Variants in UNC13C observed in about 807,000 individuals in gnomAD.
The protein encoded by UNC13C is protein unc-13 homolog C.
UNC13C carries 174 observed loss-of-function variants against 245.4 expected under a neutral mutation model. That is an observed-to-expected ratio of 0.71 (90% CI 0.63 to 0.80). The LOEUF is 0.80. UNC13C is among the 30% of genes least tolerant of loss of function. The pLI is 0.00. For synonymous variants in UNC13C, 992 were observed against 895.1 expected (o/e 1.11, Z -1.93); for missense variants, 2,829 against 2,602.9 (o/e 1.09, Z -1.89).
At chr15:54,452,461 C>G (rs2141010390) in intron 19 of UNC13C, among the ~76,000 whole-genome samples, 1 of 152,192 alleles carries the variant, frequency 6.6e-6, no homozygotes, top group African/African-American at 2.4e-5. Flanking sequence ...TGGGTACCTA[C>G]AGTGGTGGCA....
At chr15:53,980,770 G>A (rs2616878) in intron 1 of UNC13C, among the ~76,000 whole-genome samples, 4 of 152,096 alleles carry the variant, frequency 2.6e-5, no homozygotes, top group East Asian at 1.9e-4. Flanking sequence ...GGTGAAATAC[G>A]AGGTAAAGTG....
chr15:54,191,790 C>T (rs2034192401), intron 4 of UNC13C, among the ~76,000 whole-genome samples: 1 of 152,192 alleles, frequency 6.6e-6, no homozygotes, highest in Admixed American at 6.5e-5. Context: ...ATTTGCATTT[C>T]TCTAATGACC....
At chr15:54,029,500 A>T (rs1459291928) in intron 2 of UNC13C, among the ~76,000 whole-genome samples, 1 of 152,236 alleles carries the variant, frequency 6.6e-6, no homozygotes, top group African/African-American at 2.4e-5. Flanking sequence ...TGTTTTTTGA[A>T]AATATTTATT....
At chr15:54,411,731 G>A (rs2040420329) in intron 18 of UNC13C, among the ~76,000 whole-genome samples, 1 of 152,082 alleles carries the variant, frequency 6.6e-6, no homozygotes, top group Non-Finnish European at 1.5e-5. Context: ...GCAAATACAA[G>A]TAATGTTTGT....
the UNC13C span, among the ~76,000 whole-genome samples, chr15:53,905,801 T>C: frequency 6.6e-6 from 1 of 152,178 alleles, no homozygotes; most frequent in Admixed American, 6.5e-5. Flanking sequence ...CTATGTGAGG[T>C]GATGGATATA....
At chr15:54,561,345 T>C (rs1029156675) in intron 29 of UNC13C, among the ~76,000 whole-genome samples, 1 of 151,962 alleles carries the variant, frequency 6.6e-6, no homozygotes, top group African/African-American at 2.4e-5. Context: ...CAAATACTAA[T>C]TGAGGGAAAC....
At chr15:53,980,539 A>C (rs28450130) in intron 1 of UNC13C, among the ~76,000 whole-genome samples, 1,555 of 152,232 alleles carry the variant, frequency 0.01, 30 homozygotes, top group African/African-American at 0.036. Context: ...AATATTTGAA[A>C]CTCTAATTTA....
chr15:54,338,080 A>G (rs898084658), intron 16 of UNC13C, among the ~76,000 whole-genome samples: 2 of 152,192 alleles, frequency 1.3e-5, no homozygotes, highest in African/African-American at 4.8e-5. Context: ...GAAGTGATGA[A>G]TATTTGTTGA....
chr15:54,622,243 T>C lies in UNC13C; in HGVS notation c.6107-84T>C, dbSNP rs1900839987. 2.2e-5 allele frequency: 20 copies of C among 903,402 alleles called. No homozygotes were observed. The South Asian group carries it at 2.7e-4, about 12-fold the overall frequency. 56.0% of individuals were successfully genotyped at this position (903,402 alleles called of 1,614,324 possible). A position where few individuals can be genotyped will look rare whatever the true frequency, so the allele number is the denominator to read the frequency against. On this transcript the variant is annotated intron_variant, in intron 30 of 32. Transcript: ENST00000260323. Reference sequence around the variant, plus strand: ...GAACTATTCATTTCCAATAATACATTTTATGTTTTTTATGCATAGAATGAA... The same window carrying C: ...GAACTATTCATTTCCAATAATACATCTTATGTTTTTTATGCATAGAATGAA...
At chr15:54,524,560 C>A (rs781670350) in intron 24 of UNC13C, among the ~76,000 whole-genome samples, 2 of 152,192 alleles carry the variant, frequency 1.3e-5, no homozygotes, top group African/African-American at 2.4e-5. Flanking sequence ...GTAAATAATT[C>A]TTCTTCCTAA....
At chr15:54,142,193 T>C (rs1380478291) in intron 2 of UNC13C, among the ~76,000 whole-genome samples, 1 of 152,180 alleles carries the variant, frequency 6.6e-6, no homozygotes, top group Non-Finnish European at 1.5e-5. Flanking sequence ...AAAATGATGA[T>C]GCAGTAGTCC....
At position 54,015,409 on chromosome 15, in the gene UNC13C, TTATCTC is replaced by T. The variant is rs751111042; in HGVS notation, c.2507_2512del (p.Leu836_Gln838delinsTer). ...TTCATTAATGGGGAGATTTCGGACA[TTATCTC>T]AATCAACTGCAAATGAGTCAAGTAC... On this transcript the variant is annotated stop_gained and inframe_deletion, in exon 2 of 33. Transcript: ENST00000260323. LOFTEE classifies it high-confidence loss of function. 1.2e-6 allele frequency: 2 copies of T among 1,613,730 alleles called. No homozygotes were observed.
intron 2 of UNC13C, among the ~76,000 whole-genome samples, chr15:54,039,032 A>G (rs2141030103): frequency 6.6e-6 from 1 of 152,310 alleles, no homozygotes; most frequent in South Asian, 2.1e-4. Context: ...TCCACATGTC[A>G]CTTACCTACA....
chr15:54,166,394 A>T (rs2141275423), intron 4 of UNC13C, among the ~76,000 whole-genome samples: 1 of 152,176 alleles, frequency 6.6e-6, no homozygotes, highest in African/African-American at 2.4e-5. Context: ...CAAATTTTTA[A>T]CATTTTTATT....
intron 29 of UNC13C, among the ~76,000 whole-genome samples, chr15:54,557,493 A>T (rs1161964262): frequency 6.6e-6 from 1 of 151,870 alleles, no homozygotes; most frequent in Admixed American, 6.6e-5. Context: ...TAATTGTGAG[A>T]TTGACTACAA....
At chr15:53,988,921 C>T (rs977295290) in intron 1 of UNC13C, among the ~76,000 whole-genome samples, 2 of 152,004 alleles carry the variant, frequency 1.3e-5, no homozygotes, top group East Asian at 1.9e-4. Flanking sequence ...AATAAAGTGT[C>T]GGTATCTCCA....
At chr15:54,050,550 A>G in intron 2 of UNC13C, 1 of 462,240 alleles carries the variant, frequency 2.2e-6, no homozygotes, top group South Asian at 1.8e-5. Context: ...ATCTTCCTGC[A>G]AGTATTCTCC....
intron 18 of UNC13C, among the ~76,000 whole-genome samples, chr15:54,399,691 G>A (rs2040142558): frequency 1.3e-5 from 2 of 151,762 alleles, no homozygotes; most frequent in African/African-American, 2.4e-5. Flanking sequence ...CCATTTGCAA[G>A]GATAAAATCT....
At chr15:53,865,705 A>G in the UNC13C span, among the ~76,000 whole-genome samples, 2 of 152,198 alleles carry the variant, frequency 1.3e-5, no homozygotes, top group Non-Finnish European at 2.9e-5. Context: ...GCTGAACTCC[A>G]TAATTTAATA....
Sources: allele counts gnomAD v4.1 joint callset (sites outside exome capture counted in the v4.1 genomes callset), GRCh38; gene constraint gnomAD v4.1.1; transcripts MANE v1.5; gene names NCBI Gene and HGNC (gene_info 2026-07-23, HGNC 2026-07-21).